The following LRRC28 variants were observed in gnomAD, a reference collection of about 807,000 sequenced individuals.
LRRC28 encodes leucine-rich repeat-containing protein 28.
A neutral mutation model predicts 45.7 loss-of-function variants in LRRC28; 39 were observed. That is an observed-to-expected ratio of 0.85 (90% CI 0.66 to 1.12). The LOEUF (loss-of-function observed/expected upper bound fraction) is 1.12, where lower values mean the gene tolerates loss of function less well. Among genes scored for constraint, LRRC28 ranks in the 50% most tolerant of loss-of-function variants. The probability of loss-of-function intolerance (pLI) is 0.00; values close to 1 mark genes in which losing one functional copy is unlikely to be tolerated. For missense variants in LRRC28, 435 were observed against 438.5 expected, an observed-to-expected ratio of 0.99 and a Z score of 0.07; for synonymous variants, 206 against 178.8, an observed-to-expected ratio of 1.15 and a Z score of -1.22.
intron 5 of LRRC28, among the ~76,000 whole-genome samples, chr15:99,292,380 C>T (rs1342953490): frequency 1.2e-5 from 1 of 84,900 alleles, no homozygotes; most frequent in Non-Finnish European, 2.3e-5. Context: ...TTTTTTGAAA[C>T]GGAGTCTCGC....
At chr15:99,305,138 T>G (rs1955136497) in intron 5 of LRRC28, among the ~76,000 whole-genome samples, 1 of 152,118 alleles carries the variant, frequency 6.6e-6, no homozygotes, top group African/African-American at 2.4e-5. Flanking sequence ...GCTCTAGAGA[T>G]CATATAAATA....
intron 7 of LRRC28, chr15:99,353,574 A>G (rs1956954429): frequency 6.6e-6 from 1 of 152,232 alleles, no homozygotes; most frequent in African/African-American, 2.4e-5. Flanking sequence ...ATTTTTCTAC[A>G]GCTGATTATG....
intron 2 of LRRC28, among the ~76,000 whole-genome samples, chr15:99,263,622 G>A (rs948354418): frequency 2.6e-5 from 4 of 152,166 alleles, no homozygotes; most frequent in Non-Finnish European, 4.4e-5. Context: ...TGTGTCTTGC[G>A]TTCTGTACCT....
intron 5 of LRRC28, among the ~76,000 whole-genome samples, chr15:99,322,060 C>T (rs544847453): frequency 2.6e-5 from 4 of 151,994 alleles, no homozygotes; most frequent in South Asian, 2.1e-4. Flanking sequence ...CATTCCTGAC[C>T]GAGGAATAGC....
intron 6 of LRRC28, among the ~76,000 whole-genome samples, chr15:99,341,264 T>C (rs1201597944): frequency 2.0e-5 from 3 of 151,988 alleles, no homozygotes; most frequent in Admixed American, 6.6e-5. Flanking sequence ...CTAATTTTTG[T>C]ATTTTTAATA....
chr15:99,283,996 G>A lies in LRRC28; in HGVS notation c.210-3261G>A, dbSNP rs140881908. On this transcript the variant is annotated intron_variant, in intron 3 of 9. Coordinates refer to ENST00000301981, the MANE Select transcript of LRRC28 (RefSeq NM_144598.5). ...TAACTCTTACCAGGAGCCAAGCACT[G>A]TTCTAAGAGCTTTACATTTATTAAT... Among the ~76,000 whole-genome samples, 4 of 152,292 alleles carry A rather than the reference G, an allele frequency of 2.6e-5. No homozygotes were observed. The East Asian group carries it at 7.7e-4, about 29-fold the overall frequency.
intron 3 of LRRC28, among the ~76,000 whole-genome samples, chr15:99,278,478 C>G (rs182758014): frequency 6.6e-6 from 1 of 152,286 alleles, no homozygotes; most frequent in African/African-American, 2.4e-5. Flanking sequence ...AAACTCCTGA[C>G]CTTGTGATCC....
rs568219061 is a variant in LRRC28, at chr15:99,283,071, T to C, written c.210-4186T>C. Among the ~76,000 whole-genome samples the C allele has an allele frequency of 7.9e-5, 12 of 152,040 alleles. 1 individual carries two copies. The South Asian group carries it at 2.3e-3, about 29-fold the overall frequency. On this transcript the variant is annotated intron_variant, in intron 3 of 9. Transcript: ENST00000301981. The stretch of plus-strand genomic sequence containing the variant: ...CCATGCCCAGCTAATTTTTGTAGTT[T>C]TAGTAGAGACGAGGTTTCTCCATGT...
intron 9 of LRRC28, among the ~76,000 whole-genome samples, chr15:99,368,810 A>G (rs1266736390): frequency 6.6e-6 from 1 of 152,242 alleles, no homozygotes; most frequent in African/African-American, 2.4e-5. Flanking sequence ...TACAATATGA[A>G]TAGGCTGAGA....
intron 5 of LRRC28, among the ~76,000 whole-genome samples, chr15:99,313,433 G>A (rs1000526587): frequency 6.6e-6 from 1 of 151,942 alleles, no homozygotes; most frequent in Admixed American, 6.6e-5. Flanking sequence ...CTTGAACTAA[G>A]GTAACTCTCC....
intron 6 of LRRC28, among the ~76,000 whole-genome samples, chr15:99,341,285 T>G (rs181144740): frequency 1.9e-4 from 29 of 152,052 alleles, no homozygotes; most frequent in African/African-American, 5.8e-4. Flanking sequence ...GAGATGGGGA[T>G]TTCACCGTGT....
chr15:99,298,164 A>G (rs1448979627), intron 5 of LRRC28, among the ~76,000 whole-genome samples: 1 of 152,176 alleles, frequency 6.6e-6, no homozygotes, highest in Non-Finnish European at 1.5e-5. Context: ...CTTTGTGAAA[A>G]GATTTAAAAG....
intron 9 of LRRC28, among the ~76,000 whole-genome samples, chr15:99,366,547 A>C (rs1183525888): frequency 1.3e-5 from 2 of 152,210 alleles, no homozygotes; most frequent in Admixed American, 1.3e-4. Context: ...AGGGGTCAGC[A>C]TGGTTGCGTT....
intron 2 of LRRC28, among the ~76,000 whole-genome samples, chr15:99,276,003 C>T (rs113350259): frequency 0.11 from 16,006 of 152,046 alleles, 988 homozygotes; most frequent in African/African-American, 0.18. Flanking sequence ...CCTCCTGTCC[C>T]ATCAGCAGCA....
At chr15:99,325,258 A>T (rs989633662) in intron 5 of LRRC28, among the ~76,000 whole-genome samples, 6 of 152,168 alleles carry the variant, frequency 3.9e-5, no homozygotes, top group African/African-American at 1.4e-4. Flanking sequence ...TAGAAATGCA[A>T]TTGATTTTCT....
intron 6 of LRRC28, among the ~76,000 whole-genome samples, chr15:99,348,886 TATTA>T (rs1169518922): frequency 6.6e-6 from 1 of 152,092 alleles, no homozygotes; most frequent in Admixed American, 6.5e-5. Flanking sequence ...ATTTTGACAG[TATTA>T]ATTCTTCCTA....
chr15:99,339,667 G>T (rs1956440027), intron 6 of LRRC28, among the ~76,000 whole-genome samples: 1 of 151,708 alleles, frequency 6.6e-6, no homozygotes. Flanking sequence ...GGAGGTTGCA[G>T]TGAGCCGAGA....
At position 99,386,202 on chromosome 15, in the gene LRRC28, T is replaced by G; in HGVS notation, c.*100T>G. On this transcript the variant is annotated 3_prime_UTR_variant, in exon 10 of 10. Transcript: ENST00000301981. ...CCTGTCCTGTCCAATGCGGGGGCAC[T>G]GCAGAACTCTCTAGAAATGTCATGA... is the stretch of plus-strand genomic sequence containing the variant. 2 of 905,198 alleles carry G rather than the reference T, an allele frequency of 2.2e-6. No individual in the cohort carries two copies. Among genetic ancestry groups the G allele is most frequent in the South Asian group, 1.4e-5 (1 of 70,812 alleles). The allele number at this position is 905,198 out of a possible 1,614,324, so 56.1% of individuals were successfully genotyped here.
intron 8 of LRRC28, 22 bp from the exon 9 acceptor site, chr15:99,363,084 G>C: frequency 6.3e-7 from 1 of 1,589,918 alleles, no homozygotes; most frequent in Non-Finnish European, 8.6e-7. Flanking sequence ...ACTCGTGTGC[G>C]TGATTTTCTT....
Sources: gnomAD v4.1 joint callset for allele counts (sites outside exome capture counted in the v4.1 genomes callset) on GRCh38, gnomAD v4.1.1 for gene constraint, MANE v1.5 for transcripts, NCBI Gene and HGNC (gene_info 2026-07-23, HGNC 2026-07-21) for gene names.